PDE4D: variants seen among roughly 807,000 people sequenced by gnomAD.
The protein encoded by PDE4D is phosphodiesterase 4D, also known as 3',5'-cyclic-AMP phosphodiesterase 4D.
In PDE4D, 24 loss-of-function variants were observed where a neutral mutation model predicts 87.4. That is an observed-to-expected ratio of 0.27 (90% CI 0.20 to 0.39). PDE4D has a LOEUF of 0.39. Among genes scored for constraint, PDE4D ranks in the 10% least tolerant of loss-of-function variants. PDE4D has a pLI of 1.00. For synonymous variants in PDE4D, 384 were observed against 383.2 expected (o/e 1.00, Z -0.02); for missense variants, 714 against 1,041.0 (o/e 0.69, Z 4.32).
chr5:59,041,018 C>T (rs1759589656), intron 5 of PDE4D, among the ~76,000 whole-genome samples: 1 of 152,070 alleles, frequency 6.6e-6, no homozygotes, highest in Admixed American at 6.6e-5. Context: ...ACTTTGAGTA[C>T]TCTAGGTTAA....
At chr5:59,918,549 A>G (rs1175665097) in intron 3 of PDE4D, among the ~76,000 whole-genome samples, 1 of 152,180 alleles carries the variant, frequency 6.6e-6, no homozygotes, top group East Asian at 1.9e-4. Context: ...TGCTTATGCT[A>G]TATAAAATCC....
intron 1 of PDE4D, among the ~76,000 whole-genome samples, chr5:59,400,795 GC>G (rs1288390986): frequency 6.6e-6 from 1 of 151,924 alleles, no homozygotes; most frequent in African/African-American, 2.4e-5. Context: ...TTTACCAACT[GC>G]ATTTTAGATA....
chr5:59,948,325 T>C (rs1757923495), intron 3 of PDE4D, among the ~76,000 whole-genome samples: 1 of 152,226 alleles, frequency 6.6e-6, no homozygotes, highest in Non-Finnish European at 1.5e-5. Flanking sequence ...CTTTGGTGAT[T>C]GAGTAATGCC....
At chr5:59,533,289 A>G (rs895946249) in intron 1 of PDE4D, among the ~76,000 whole-genome samples, 31 of 152,234 alleles carry the variant, frequency 2.0e-4, no homozygotes, top group Non-Finnish European at 1.5e-5. Context: ...CAATTTTATT[A>G]AATTTTTTAA....
At chr5:59,637,936 C>T (rs1740871853) in intron 1 of PDE4D, among the ~76,000 whole-genome samples, 1 of 152,092 alleles carries the variant, frequency 6.6e-6, no homozygotes, top group African/African-American at 2.4e-5. Context: ...TTGAATATGG[C>T]AAGTAGCTAG....
intron 1 of PDE4D, among the ~76,000 whole-genome samples, chr5:59,419,411 T>A (rs887538306): frequency 6.6e-6 from 1 of 152,176 alleles, no homozygotes. Context: ...AATGTATGAG[T>A]GAATTAAATG....
chr5:60,318,181 A>G (rs542528724), intron 1 of PDE4D, among the ~76,000 whole-genome samples: 2 of 152,316 alleles, frequency 1.3e-5, no homozygotes, highest in African/African-American at 4.8e-5. Flanking sequence ...TATTAGGTGC[A>G]TATATATTTA....
chr5:59,701,699 G>T (rs1043589918), intron 1 of PDE4D, among the ~76,000 whole-genome samples: 2 of 152,214 alleles, frequency 1.3e-5, no homozygotes, highest in Non-Finnish European at 2.9e-5. Context: ...GAGCAACACA[G>T]AGGTGAGGAG....
In PDE4D at chr5:59,734,091, A is replaced by G. The variant is rs549523851; in HGVS notation, c.455+159077T>C. Among the ~76,000 whole-genome samples the G allele has an allele frequency of 3.3e-5, 5 of 152,214 alleles. No homozygotes were observed. In the East Asian group the frequency reaches 9.7e-4, roughly 29 times the overall value. On this transcript the variant is annotated intron_variant, in intron 1 of 14. Coordinates refer to ENST00000340635, the MANE Select transcript of PDE4D (RefSeq NM_001104631.2). Reference sequence around the variant, plus strand: ...TGATGTAAAAAAAATTCTCCCTGAAACAGATACAGGGCTATAATCCTCAGA... The same window carrying G: ...TGATGTAAAAAAAATTCTCCCTGAAGCAGATACAGGGCTATAATCCTCAGA...
At chr5:59,675,087 T>C (rs951853559) in intron 1 of PDE4D, among the ~76,000 whole-genome samples, 2 of 152,176 alleles carry the variant, frequency 1.3e-5, no homozygotes, top group Non-Finnish European at 2.9e-5. Context: ...AGATAACCCA[T>C]TCCTCAAGTA....
intron 1 of PDE4D, among the ~76,000 whole-genome samples, chr5:59,804,483 G>A (rs565120570): frequency 2.0e-3 from 303 of 151,826 alleles, no homozygotes; most frequent in Admixed American, 4.6e-3. Context: ...GCCTGTGCAT[G>A]TGGTCTTTCT....
At chr5:60,118,335 C>T (rs1199198891) in intron 2 of PDE4D, among the ~76,000 whole-genome samples, 4 of 152,076 alleles carry the variant, frequency 2.6e-5, no homozygotes, top group South Asian at 4.1e-4. Flanking sequence ...GTCATGCTTC[C>T]GCTTTTGTTC....
At chr5:60,004,087 C>T (rs1764258953) in intron 2 of PDE4D, among the ~76,000 whole-genome samples, 1 of 152,074 alleles carries the variant, frequency 6.6e-6, no homozygotes, top group South Asian at 2.1e-4. Flanking sequence ...AGGTGGAAAG[C>T]TTCTTGACAC....
At chr5:58,999,927 G>A (rs953631252) in intron 6 of PDE4D, 6 of 985,706 alleles carry the variant, frequency 6.1e-6, no homozygotes, top group African/African-American at 1.7e-5. Context: ...TACCAAATAA[G>A]GAACTGCAGG....
intron 5 of PDE4D, among the ~76,000 whole-genome samples, chr5:59,090,887 A>G (rs944226742): frequency 6.8e-6 from 1 of 147,266 alleles, no homozygotes; most frequent in Non-Finnish European, 1.5e-5. Context: ...AGTGATAAGC[A>G]TATGGCAAGC....
At chr5:60,153,828 A>G (rs1025328270) in intron 2 of PDE4D, among the ~76,000 whole-genome samples, 9 of 152,212 alleles carry the variant, frequency 5.9e-5, no homozygotes, top group African/African-American at 1.9e-4. Flanking sequence ...TCAGAGAAAC[A>G]GAGTAAAACA....
intron 1 of PDE4D, among the ~76,000 whole-genome samples, chr5:59,525,700 T>C (rs1812984895): frequency 6.6e-6 from 1 of 152,138 alleles, no homozygotes; most frequent in East Asian, 1.9e-4. Context: ...AATCCCCATG[T>C]TTTGGGGGAG....
chr5:60,470,306 TAATAA>T (rs1747717818), intron 1 of PDE4D, among the ~76,000 whole-genome samples: 1 of 152,154 alleles, frequency 6.6e-6, no homozygotes, highest in Non-Finnish European at 1.5e-5. Flanking sequence ...TCATGAAGTT[TAATAA>T]AATAAACTGT....
At chr5:59,041,012 T>C (rs1759588597) in intron 5 of PDE4D, among the ~76,000 whole-genome samples, 1 of 152,222 alleles carries the variant, frequency 6.6e-6, no homozygotes, top group Non-Finnish European at 1.5e-5. Context: ...CTGTTCACTT[T>C]GAGTACTCTA....
Sources: gnomAD v4.1 joint callset for allele counts (sites outside exome capture counted in the v4.1 genomes callset) on GRCh38, gnomAD v4.1.1 for gene constraint, MANE v1.5 for transcripts, NCBI Gene and HGNC (gene_info 2026-07-23, HGNC 2026-07-21) for gene names.